The following R3HDM2 variants were observed in gnomAD, a reference collection of about 807,000 sequenced individuals.
R3HDM2 encodes R3H domain-containing protein 2.
In R3HDM2, 38 loss-of-function variants were observed where a neutral mutation model predicts 124.5. The observed-to-expected ratio is 0.31, with a 90% confidence interval of 0.24 to 0.40. The LOEUF (loss-of-function observed/expected upper bound fraction) is 0.40, where lower values mean the gene tolerates loss of function less well. R3HDM2 is among the 10% of genes least tolerant of loss of function. R3HDM2 has a pLI of 1.00. For synonymous variants in R3HDM2, 391 were observed against 448.0 expected (o/e 0.87, Z 1.61); for missense variants, 869 against 1,236.9 (o/e 0.70, Z 4.46).
chr12:57,360,036 T>TATATACAC (rs1555287262), intron 2 of R3HDM2, among the ~76,000 whole-genome samples: 6 of 78,378 alleles, frequency 7.7e-5, no homozygotes, highest in South Asian at 8.1e-4. Context: ...CACATATATA[T>TATATACAC]ATATATATAT....
chr12:57,283,962 T>A lies in R3HDM2; in HGVS notation c.1033A>T (p.Thr345Ser). 6.2e-7 allele frequency: 1 copy of A among 1,614,140 alleles called. No homozygotes were observed. Among genetic ancestry groups the A allele is most frequent in the Non-Finnish European group, 8.5e-7 (1 of 1,180,026 alleles). ...CTCCGGACAGAGCCATCAGAGTCTG[T>A]GCTGCTCCAAGGGCGTGGCTCCAGG... ...KSLEPRPWSSTDSDGSVRSMR... is the reference protein window; with the variant it reads ...KSLEPRPWSSSDSDGSVRSMR... Residue 345 changes from threonine to serine, a missense_variant, in exon 13 of 24, where the codon ACA becomes TCA. By Grantham distance (58) the Thr-to-Ser change is moderately conservative. Transcript: ENST00000402412.
intron 2 of R3HDM2, among the ~76,000 whole-genome samples, chr12:57,394,937 C>T (rs1384093907): frequency 6.6e-6 from 1 of 152,120 alleles, no homozygotes; most frequent in African/African-American, 2.4e-5. Flanking sequence ...AGGCTGGGCG[C>T]GGTGGCTCAC....
chr12:57,423,206 A>G (rs2070376263), intron 1 of R3HDM2, among the ~76,000 whole-genome samples: 1 of 150,784 alleles, frequency 6.6e-6, no homozygotes, highest in South Asian at 2.1e-4. Context: ...TGGATCACCT[A>G]AGGTCAGGAG....
At chr12:57,304,689 C>A (rs1484042073) in intron 3 of R3HDM2, 2 of 178,610 alleles carry the variant, frequency 1.1e-5, no homozygotes, top group Non-Finnish European at 2.2e-5. Flanking sequence ...TTCAAACAGG[C>A]AATACATACA....
intron 1 of R3HDM2, 189 bp downstream of exon 1, chr12:57,430,531 T>C (rs1446988267): frequency 4.3e-4 from 424 of 978,006 alleles, no homozygotes; most frequent in Non-Finnish European, 4.9e-4. Flanking sequence ...CCAGCTTCTC[T>C]CCAGCAGCGC....
At chr12:57,387,644 G>A (rs931478970) in intron 2 of R3HDM2, among the ~76,000 whole-genome samples, 17 of 152,216 alleles carry the variant, frequency 1.1e-4, no homozygotes, top group African/African-American at 4.1e-4. Context: ...AGTGTTAAGG[G>A]GTTCTGATAC....
intron 1 of R3HDM2, among the ~76,000 whole-genome samples, chr12:57,416,976 C>T (rs2069684647): frequency 6.6e-6 from 1 of 150,774 alleles, no homozygotes; most frequent in Non-Finnish European, 1.5e-5. Flanking sequence ...GGCGTGGTGG[C>T]GGGCACCTGT....
chr12:57,424,027 T>C (rs1240199991), intron 1 of R3HDM2, among the ~76,000 whole-genome samples: 4 of 137,458 alleles, frequency 2.9e-5, no homozygotes, highest in African/African-American at 1.1e-4. Flanking sequence ...GGCAGGAGAA[T>C]CGCTTGGACC....
chr12:57,305,939 T>C (rs972727047), intron 3 of R3HDM2, among the ~76,000 whole-genome samples: 7 of 152,232 alleles, frequency 4.6e-5, no homozygotes, highest in Admixed American at 6.5e-5. Context: ...TTATACTATA[T>C]AGACCTGCAA....
chr12:57,266,458 T>C (rs1389475055), intron 19 of R3HDM2, among the ~76,000 whole-genome samples: 1 of 152,198 alleles, frequency 6.6e-6, no homozygotes, highest in Non-Finnish European at 1.5e-5. Context: ...GGTCTCAAAC[T>C]CCTCAGCTCA....
At chr12:57,394,690 A>G (rs1436818360) in intron 2 of R3HDM2, among the ~76,000 whole-genome samples, 2 of 152,172 alleles carry the variant, frequency 1.3e-5, no homozygotes, top group Non-Finnish European at 2.9e-5. Flanking sequence ...TAATCTGTAT[A>G]TAAGCATTTA....
chr12:57,268,093 G>A (rs1026233093), intron 18 of R3HDM2: 7 of 402,324 alleles, frequency 1.7e-5, no homozygotes, highest in African/African-American at 1.4e-4. Context: ...AGTCTCTGAA[G>A]CAGGAATTTT....
chr12:57,329,193 C>A (rs1321732163), intron 2 of R3HDM2, among the ~76,000 whole-genome samples: 1 of 151,958 alleles, frequency 6.6e-6, no homozygotes, highest in Non-Finnish European at 1.5e-5. Flanking sequence ...GGTATACCAC[C>A]CTTGTACCTA....
At chr12:57,311,224 T>C (rs1294967204) in intron 2 of R3HDM2, among the ~76,000 whole-genome samples, 1 of 144,982 alleles carries the variant, frequency 6.9e-6, no homozygotes, top group African/African-American at 2.7e-5. Flanking sequence ...TATAAAATCT[T>C]ATATATATAT....
At chr12:57,357,634 A>G (rs2061445422) in intron 2 of R3HDM2, among the ~76,000 whole-genome samples, 1 of 133,900 alleles carries the variant, frequency 7.5e-6, no homozygotes, top group African/African-American at 2.9e-5. Context: ...ACTAGCTTGT[A>G]GTTTTGCTGA....
intron 11 of R3HDM2, 85 bp from the exon 12 acceptor site, chr12:57,289,125 C>G (rs2048054819): frequency 1.5e-6 from 2 of 1,347,442 alleles, no homozygotes; most frequent in African/African-American, 2.9e-5. Context: ...GCTATGAATA[C>G]CCAAGGTCCT....
intron 2 of R3HDM2, among the ~76,000 whole-genome samples, chr12:57,344,938 G>A (rs1037694239): frequency 1.3e-5 from 2 of 151,886 alleles, no homozygotes; most frequent in African/African-American, 2.4e-5. Flanking sequence ...TGGTTCAAGC[G>A]ATTCTCCTGC....
chr12:57,306,726 C>T (rs1278870017), intron 3 of R3HDM2, among the ~76,000 whole-genome samples: 1 of 151,928 alleles, frequency 6.6e-6, no homozygotes, highest in African/African-American at 2.4e-5. Flanking sequence ...GGCTAAAGGA[C>T]ATTCTTGGCT....
chr12:57,409,014 A>G (rs1350672457), intron 1 of R3HDM2, among the ~76,000 whole-genome samples: 1 of 152,144 alleles, frequency 6.6e-6, no homozygotes, highest in African/African-American at 2.4e-5. Flanking sequence ...ATTAAATTAT[A>G]CTGCATATTG....
Sources: gnomAD v4.1 joint callset for allele counts (sites outside exome capture counted in the v4.1 genomes callset) on GRCh38, gnomAD v4.1.1 for gene constraint, MANE v1.5 for transcripts, NCBI Gene and HGNC (gene_info 2026-07-23, HGNC 2026-07-21) for gene names.